The following CA10 variants were observed in gnomAD, a reference collection of about 807,000 sequenced individuals.
CA10 encodes carbonic anhydrase-related protein 10.
CA10 carries 14 observed loss-of-function variants against 44.2 expected under a neutral mutation model. The observed-to-expected ratio is 0.32, with a 90% CI of 0.21 to 0.50. The LOEUF is 0.50. CA10 is among the 20% of genes least tolerant of loss of function. CA10 has a pLI of 0.99. For missense variants in CA10, 350 were observed against 409.7 expected, an observed-to-expected ratio of 0.85 and a Z score of 1.26; for synonymous variants, 159 against 141.6, an observed-to-expected ratio of 1.12 and a Z score of -0.87.
At chr17:52,053,487 A>C (rs1177892172) in intron 2 of CA10, among the ~76,000 whole-genome samples, 2 of 151,874 alleles carry the variant, frequency 1.3e-5, no homozygotes, top group Non-Finnish European at 2.9e-5. Flanking sequence ...ATAAAATAAG[A>C]AAATACTCAA....
chr17:52,042,309 C>T (rs1050081804), intron 2 of CA10, among the ~76,000 whole-genome samples: 2 of 151,766 alleles, frequency 1.3e-5, no homozygotes, highest in Admixed American at 6.6e-5. Context: ...GAAGTGATGC[C>T]TTGTGGTTTT....
In CA10 at chr17:51,633,759, G is replaced by C. The variant is rs1912701632; in HGVS notation, c.790-109C>G. ...AGCTAGGTGGTATTGGCTGTATGAG[G>C]AAAGGGCTGTATAAGCCCCACAGAG... On this transcript the variant is annotated intron_variant, in intron 7 of 8. Coordinates refer to ENST00000451037, the MANE Select transcript of CA10 (RefSeq NM_020178.5). The C allele has an allele frequency of 2.5e-6, 3 of 1,223,180 alleles. No homozygotes were observed. The South Asian group carries it at 4.6e-5, about 19-fold the overall frequency. The allele number at this position is 1,223,180 out of a possible 1,614,324, so 75.8% of individuals were successfully genotyped here. A position where few individuals can be genotyped will look rare whatever the true frequency, so the allele number is the denominator to read the frequency against.
At position 52,000,468 on chromosome 17, in the gene CA10, A is replaced by T. The variant is rs1195682049; in HGVS notation, c.137-69336T>A. 8.5e-5 allele frequency among the ~76,000 whole-genome samples: 13 copies of T among 152,106 alleles called. No homozygotes were observed. In the South Asian group the frequency reaches 1.0e-3, roughly 12 times the overall value. On this transcript the variant is annotated intron_variant, in intron 2 of 8. Transcript: ENST00000451037. ...GACCTCAAGATGAAGCTAGGCACACAGTCATGAATTAATGGTAATTACTAT... is the reference window on the plus strand; with the variant it reads ...GACCTCAAGATGAAGCTAGGCACACTGTCATGAATTAATGGTAATTACTAT...
At chr17:51,773,154 T>C (rs528033832) in intron 3 of CA10, among the ~76,000 whole-genome samples, 8 of 152,202 alleles carry the variant, frequency 5.3e-5, no homozygotes, top group Admixed American at 2.0e-4. Flanking sequence ...AGAGATTCTA[T>C]GATATAAAAG....
At chr17:51,903,724 C>T (rs1981419984) in intron 3 of CA10, among the ~76,000 whole-genome samples, 2 of 152,152 alleles carry the variant, frequency 1.3e-5, no homozygotes, top group Non-Finnish European at 2.9e-5. Flanking sequence ...TTAGCCAACA[C>T]TTGTACCCCA....
intron 2 of CA10, among the ~76,000 whole-genome samples, chr17:51,964,543 A>C (rs1984009065): frequency 6.6e-6 from 1 of 152,000 alleles, no homozygotes. Flanking sequence ...AAAAAATTGA[A>C]ATTACACCAA....
At chr17:51,765,856 TG>T (rs1242557881) in intron 3 of CA10, among the ~76,000 whole-genome samples, 2 of 152,094 alleles carry the variant, frequency 1.3e-5, no homozygotes, top group East Asian at 3.9e-4. Context: ...GATGGATATC[TG>T]GAAGAGTCAG....
intron 3 of CA10, chr17:51,761,437 A>G (rs184927481): frequency 7.9e-5 from 12 of 152,294 alleles, no homozygotes; most frequent in Non-Finnish European, 1.6e-4. Context: ...ACCTCTTAAT[A>G]TCTCTCCTAA....
intron 3 of CA10, among the ~76,000 whole-genome samples, chr17:51,813,287 A>G (rs1907442742): frequency 6.6e-6 from 1 of 152,238 alleles, no homozygotes; most frequent in South Asian, 2.1e-4. Context: ...TAATTGTGCC[A>G]TTATATCAGA....
At chr17:51,889,224 C>A (rs1352006190) in intron 3 of CA10, among the ~76,000 whole-genome samples, 1 of 152,022 alleles carries the variant, frequency 6.6e-6, no homozygotes, top group African/African-American at 2.4e-5. Flanking sequence ...CAGGGCTAGT[C>A]AAGAATCAAG....
At chr17:51,708,969 A>C (rs1306464744) in intron 4 of CA10, among the ~76,000 whole-genome samples, 1 of 152,212 alleles carries the variant, frequency 6.6e-6, no homozygotes, top group Non-Finnish European at 1.5e-5. Flanking sequence ...CCTGCTCCTC[A>C]GGTTGCAGAC....
chr17:51,722,164 C>T (rs1916370086), intron 4 of CA10, among the ~76,000 whole-genome samples: 1 of 152,042 alleles, frequency 6.6e-6, no homozygotes, highest in Non-Finnish European at 1.5e-5. Context: ...GGAGAATTTG[C>T]TGGTGTTAAA....
intron 4 of CA10, among the ~76,000 whole-genome samples, chr17:51,702,539 G>A (rs1275673049): frequency 6.6e-6 from 1 of 152,190 alleles, no homozygotes; most frequent in East Asian, 1.9e-4. Flanking sequence ...CTTTCATGAA[G>A]GCAGAGGAGG....
At chr17:51,940,604 A>G (rs1457674426) in intron 2 of CA10, among the ~76,000 whole-genome samples, 1 of 151,598 alleles carries the variant, frequency 6.6e-6, no homozygotes, top group African/African-American at 2.4e-5. Flanking sequence ...AGTAGACTTT[A>G]TTATCGCCCT....
chr17:51,733,663 C>T (rs1251101779), intron 4 of CA10, among the ~76,000 whole-genome samples: 1 of 152,184 alleles, frequency 6.6e-6, no homozygotes, highest in South Asian at 2.1e-4. Flanking sequence ...CTTTTTGGAG[C>T]AGAAACATTC....
intron 3 of CA10, among the ~76,000 whole-genome samples, chr17:51,820,405 A>ACCCCC (rs748623140): frequency 3.8e-4 from 15 of 39,204 alleles, no homozygotes; most frequent in East Asian, 1.2e-3. Context: ...GGATTCCCCT[A>ACCCCC]CCCCCCCCCC....
chr17:51,758,107 C>T (rs1905125603), intron 3 of CA10, among the ~76,000 whole-genome samples: 1 of 152,028 alleles, frequency 6.6e-6, no homozygotes, highest in Non-Finnish European at 1.5e-5. Flanking sequence ...CTTAGTAATG[C>T]TAAGTTTACG....
In CA10 at chr17:51,982,645, T is replaced by C. The variant is rs149318310; in HGVS notation, c.137-51513A>G. ...CTTTCTCTATTTGGAATGTTTTCTC[T>C]CTCTTTTTCCCTGATGGTTAAAGCC... On this transcript the variant is annotated intron_variant, in intron 2 of 8. Coordinates refer to ENST00000451037, the MANE Select transcript of CA10 (RefSeq NM_020178.5). Among the ~76,000 whole-genome samples, 589 of 152,030 alleles carry C rather than the reference T, an allele frequency of 3.9e-3. 2 individuals carry two copies. Among genetic ancestry groups the C allele is most frequent in the African/African-American group, 0.013 (556 of 41,532 alleles).
chr17:51,656,442 T>C (rs1040964019), intron 4 of CA10, among the ~76,000 whole-genome samples: 5 of 152,226 alleles, frequency 3.3e-5, no homozygotes, highest in African/African-American at 1.2e-4. Flanking sequence ...GCCTCCTCTC[T>C]GTTCCAAGGT....
Sources: gnomAD v4.1 joint callset for allele counts (sites outside exome capture counted in the v4.1 genomes callset) on GRCh38, gnomAD v4.1.1 for gene constraint, MANE v1.5 for transcripts, NCBI Gene and HGNC (gene_info 2026-07-23, HGNC 2026-07-21) for gene names.